Variants in ZC3H7A observed in about 807,000 individuals in gnomAD.
The protein encoded by ZC3H7A is zinc finger CCCH domain-containing protein 7A.
In ZC3H7A, 44 loss-of-function variants were observed where a neutral mutation model predicts 125.5. The ratio of observed to expected loss-of-function variants is 0.35; its 90% CI spans 0.28 to 0.45. The LOEUF is 0.45. Ranked by LOEUF, ZC3H7A falls within the 20% of genes least tolerant of loss-of-function variation. The probability of loss-of-function intolerance (pLI) is 1.00; values close to 1 mark genes in which losing one functional copy is unlikely to be tolerated. For missense variants in ZC3H7A, 977 were observed against 1,170.7 expected (o/e 0.83, Z 2.41); for synonymous variants, 399 against 391.2 (o/e 1.02, Z -0.23).
At chr16:11,758,948 G>C (rs2052696998) in intron 19 of ZC3H7A, 1 of 201,638 alleles carries the variant, frequency 5.0e-6, no homozygotes, top group Non-Finnish European at 9.9e-6. Flanking sequence ...CTACTCCAAA[G>C]GGTACTGAAC....
chr16:11,782,170 A>T, intron 2 of ZC3H7A, 117 bp downstream of exon 2: 1 of 1,120,404 alleles, frequency 8.9e-7, no homozygotes, highest in Non-Finnish European at 1.3e-6. Flanking sequence ...TGGAGTTTCT[A>T]ACCCAAATTA....
At chr16:11,775,298 G>T (rs142878421) in intron 7 of ZC3H7A, among the ~76,000 whole-genome samples, 1 of 151,862 alleles carries the variant, frequency 6.6e-6, no homozygotes, top group Non-Finnish European at 1.5e-5. Flanking sequence ...TTGAACCCGG[G>T]AGGTGGAGGC....
chr16:11,753,012 G>A, intron 21 of ZC3H7A, 180 bp from the exon 22 acceptor site: 1 of 619,712 alleles, frequency 1.6e-6, no homozygotes, highest in Non-Finnish European at 2.6e-6. Flanking sequence ...AGAGAAGAAG[G>A]GTGACAAATG....
chr16:11,760,012 G>C (rs187831894), intron 19 of ZC3H7A, among the ~76,000 whole-genome samples: 11 of 151,800 alleles, frequency 7.2e-5, no homozygotes, highest in Admixed American at 2.0e-4. Flanking sequence ...CCAGCTACTC[G>C]GGAGGCTGAG....
At position 11,765,804 on chromosome 16, in the gene ZC3H7A, C is replaced by T. The variant is rs1431591404; in HGVS notation, c.1523-119G>A. ...CCCAGGAGTTCAAGGCTGCGGTGAG[C>T]AATGATCTTGCCACTGCACTCCAGC... On this transcript the variant is annotated intron_variant, in intron 13 of 22. Transcript: ENST00000355758. This position sits in a 1 kb window ranked among gnomAD's most constrained non-coding sequence, Gnocchi z 4.8. 6.8e-6 allele frequency: 6 copies of T among 883,166 alleles called. No homozygotes were observed. The highest frequency in any genetic ancestry group is 9.8e-6 in the Non-Finnish European group (6 of 610,780). The allele number at this position is 883,166 out of a possible 1,614,324, so 54.7% of individuals were successfully genotyped here.
intron 17 of ZC3H7A, among the ~76,000 whole-genome samples, chr16:11,762,369 A>G (rs2052767042): frequency 1.3e-5 from 2 of 152,196 alleles, no homozygotes; most frequent in Non-Finnish European, 2.9e-5. Context: ...AAGCTAAACT[A>G]TAAAAATAAT....
intron 1 of ZC3H7A, among the ~76,000 whole-genome samples, chr16:11,795,496 G>A (rs2053422548): frequency 6.6e-6 from 1 of 152,214 alleles, no homozygotes; most frequent in South Asian, 2.1e-4. Context: ...GAGTGCAGTG[G>A]CACAATCTCG....
chr16:11,762,738 T>C lies in ZC3H7A; in HGVS notation c.2012A>G (p.His671Arg). 2 of 1,613,830 alleles carry C rather than the reference T, an allele frequency of 1.2e-6. No homozygotes were observed. The highest frequency in any genetic ancestry group is 1.3e-5 in the African/African-American group (1 of 75,058). The change falls in exon 17 of 23, where the codon CAT becomes CGT. Residue 671 changes from histidine to arginine, a missense_variant. Transcript: ENST00000355758. ...TTTAGACTCTTGAGCAATAGCATCA[T>C]GTGAGATACCTGGGGAATGTACAAG... Reference protein sequence around the residue: ...WIMQNETGISHDAIAQESKRY... With the variant: ...WIMQNETGISRDAIAQESKRY...
At chr16:11,762,535 A>AT in intron 17 of ZC3H7A, 136 bp downstream of exon 17, 1 of 812,500 alleles carries the variant, frequency 1.2e-6, no homozygotes, top group Non-Finnish European at 1.9e-6. Flanking sequence ...GTTTTTTCAC[A>AT]TAAGAATGAC....
intron 22 of ZC3H7A, 70 bp from the exon 23 acceptor site, chr16:11,751,576 A>T (rs1408862916): frequency 6.8e-7 from 1 of 1,471,112 alleles, no homozygotes; most frequent in South Asian, 1.3e-5. Context: ...GATTCTTGAA[A>T]CTGTATATTT....
At chr16:11,760,137 A>AAAAAAAAAAAAG (rs1555493879) in intron 19 of ZC3H7A, among the ~76,000 whole-genome samples, 2 of 137,640 alleles carry the variant, frequency 1.5e-5, no homozygotes, top group Admixed American at 7.3e-5. Flanking sequence ...AAAAAAAAAA[A>AAAAAAAAAAAAG]AAAAAAAAGA....
At chr16:11,781,512 G>A (rs370615804) in intron 2 of ZC3H7A, 48 bp from the exon 3 acceptor site, 4 of 1,590,092 alleles carry the variant, frequency 2.5e-6, no homozygotes, top group African/African-American at 2.7e-5. Context: ...TCCTTATCGG[G>A]ACCTGTTCAG....
At chr16:11,774,652 T>C (rs1596393384) in intron 8 of ZC3H7A, 133 bp from the exon 9 acceptor site, 1 of 1,130,934 alleles carries the variant, frequency 8.8e-7, no homozygotes, top group East Asian at 2.7e-5. Flanking sequence ...GACAGTATAG[T>C]AAAGCAATTC....
chr16:11,771,006 T>C lies in ZC3H7A; in HGVS notation c.904-19A>G, dbSNP rs1254564705. 1.3e-6 allele frequency: 2 copies of C among 1,583,550 alleles called. No homozygotes were observed. Among genetic ancestry groups the C allele is most frequent in the East Asian group, 2.2e-5 (1 of 44,544 alleles). ...CTGACGGCTGCGGAAGAAAAAAAGA[T>C]GTGATTAAAATTCATGAAGCTGTCA... is the stretch of plus-strand genomic sequence containing the variant. On this transcript the variant is annotated intron_variant, in intron 9 of 22. Transcript: ENST00000355758.
chr16:11,761,062 G>A (rs1339978832), intron 19 of ZC3H7A, among the ~76,000 whole-genome samples: 2 of 152,142 alleles, frequency 1.3e-5, no homozygotes, highest in Admixed American at 1.3e-4. Flanking sequence ...AAAACCTGAG[G>A]TTTGGTATCA....
intron 21 of ZC3H7A, among the ~76,000 whole-genome samples, chr16:11,755,108 G>A (rs780975709): frequency 6.6e-6 from 1 of 151,164 alleles, no homozygotes; most frequent in African/African-American, 2.4e-5. Context: ...TATTTAGAAG[G>A]CTGAGGCAGG....
At chr16:11,761,035 T>C (rs1004692540) in intron 19 of ZC3H7A, among the ~76,000 whole-genome samples, 1 of 152,156 alleles carries the variant, frequency 6.6e-6, no homozygotes, top group African/African-American at 2.4e-5. Context: ...AACTCATCAA[T>C]AGCATTCATA....
chr16:11,765,881 G>A lies in ZC3H7A; in HGVS notation c.1523-196C>T, dbSNP rs1017307645. On this transcript the variant is annotated intron_variant, in intron 13 of 22. Transcript: ENST00000355758. The surrounding 1 kb of genome is among the most constrained non-coding windows in gnomAD (Gnocchi z 4.8). Reference sequence around the variant, plus strand: ...CAAAATAAACAAACAAACAAAAAAAGATGGTAATTGTTTCCTTAAAGCCAA... The same window carrying A: ...CAAAATAAACAAACAAACAAAAAAAAATGGTAATTGTTTCCTTAAAGCCAA... 8.5e-5 allele frequency among the ~76,000 whole-genome samples: 13 copies of A among 152,084 alleles called. No homozygotes were observed. Among genetic ancestry groups the A allele is most frequent in the Non-Finnish European group, 5.9e-5 (4 of 68,004 alleles).
At position 11,765,620 on chromosome 16, in the gene ZC3H7A, T is replaced by A. The variant is rs754857360; in HGVS notation, c.1588A>T (p.Ile530Leu). 1 of 1,614,126 alleles carries A rather than the reference T, an allele frequency of 6.2e-7. No individual in the cohort carries two copies. The highest frequency in any genetic ancestry group is 1.7e-5 in the Admixed American group (1 of 60,008). ...TTCCGCTCCAGTGTCCACACATCTA[T>A]CTCCTCTTGGCAATAAGCAAACGTG... ...HCTFAYCQEE[I>L]DVWTLERKGA... The change falls in exon 14 of 23, where the codon ATA (isoleucine) becomes TTA (leucine). Residue 530 changes from isoleucine to leucine, a missense_variant. Physicochemically the swap from Ile to Leu is conservative, Grantham distance 5. Around this residue, in one of 3 missense-constraint regions of ZC3H7A, gnomAD observed 436 missense variants for 603.2 expected, o/e 0.72. Transcript: ENST00000355758. This position sits in a 1 kb window ranked among gnomAD's most constrained non-coding sequence, Gnocchi z 4.8.
Sources: gnomAD v4.1 joint callset for allele counts (sites outside exome capture counted in the v4.1 genomes callset) on GRCh38, gnomAD v4.1.1 for gene constraint, gnomAD v4.1.1 regional missense constraint, Gnocchi (gnomAD v3.1) non-coding constraint, MANE v1.5 for transcripts, NCBI Gene and HGNC (gene_info 2026-07-23, HGNC 2026-07-21) for gene names.